Variants in AREL1 observed in about 807,000 individuals in gnomAD.
AREL1 encodes the protein apoptosis-resistant E3 ubiquitin protein ligase 1.
In AREL1, 62 loss-of-function variants were observed where a neutral mutation model predicts 99.0. The ratio of observed to expected loss-of-function variants is 0.63; its 90% CI spans 0.51 to 0.77. The LOEUF (loss-of-function observed/expected upper bound fraction) is 0.77. Among genes scored for constraint, AREL1 ranks in the 30% least tolerant of loss-of-function variants. The pLI is 0.00. For missense variants in AREL1, 879 were observed against 1,027.6 expected, an observed-to-expected ratio of 0.86 and a Z score of 1.98; for synonymous variants, 380 against 376.5, an observed-to-expected ratio of 1.01 and a Z score of -0.11.
intron 1 of AREL1, chr14:74,712,077 AGAAAG>A (rs1566710309): frequency 1.3e-4 from 10 of 77,932 alleles, no homozygotes; most frequent in Non-Finnish European, 3.4e-4. Context: ...AGAAAAAAAA[AGAAAG>A]AAAGAAAGAA....
chr14:74,671,726 A>G (rs1464467159), intron 11 of AREL1, among the ~76,000 whole-genome samples: 2 of 152,248 alleles, frequency 1.3e-5, no homozygotes, highest in African/African-American at 4.8e-5. Flanking sequence ...GGAAAGCTGA[A>G]GTTGTTTTTT....
intron 3 of AREL1, among the ~76,000 whole-genome samples, chr14:74,684,962 G>A (rs1459009895): frequency 6.6e-6 from 1 of 152,172 alleles, no homozygotes; most frequent in African/African-American, 2.4e-5. Flanking sequence ...AATTGTCTAT[G>A]GCTACTTTTG....
At chr14:74,685,807 G>T (rs1280390463) in intron 2 of AREL1, 147 bp from the exon 3 acceptor site, 12 of 656,620 alleles carry the variant, frequency 1.8e-5, no homozygotes, top group Admixed American at 3.0e-5. Flanking sequence ...TAGCTTGACA[G>T]GTGCCGTATA....
rs576556261 is a variant in AREL1, at chr14:74,700,216, A to G, written c.-333-7888T>C. 3.9e-5 allele frequency among the ~76,000 whole-genome samples: 6 copies of G among 152,352 alleles called. No individual in the cohort carries two copies. In the East Asian group the frequency reaches 1.2e-3, roughly 29 times the overall value. On this transcript the variant is annotated intron_variant, in intron 1 of 19. Coordinates refer to ENST00000356357, the MANE Select transcript of AREL1 (RefSeq NM_001039479.2). Reference sequence around the variant, plus strand: ...AGGCATTGTATAAAGTGCTACATCTATATTATCTCATTTAACTCTCACATC... The same window carrying G: ...AGGCATTGTATAAAGTGCTACATCTGTATTATCTCATTTAACTCTCACATC...
chr14:74,672,248 T>TA (rs1206999098), intron 11 of AREL1, among the ~76,000 whole-genome samples: 14 of 152,330 alleles, frequency 9.2e-5, no homozygotes, highest in African/African-American at 3.4e-4. Context: ...GGCCAGTAAG[T>TA]AAACTGCTCT....
chr14:74,711,212 CAA>C (rs563432900), intron 1 of AREL1, among the ~76,000 whole-genome samples: 76 of 131,628 alleles, frequency 5.8e-4, no homozygotes, highest in African/African-American at 2.1e-3. Context: ...GCCTGGGTAA[CAA>C]GAGCGAAACT....
intron 3 of AREL1, among the ~76,000 whole-genome samples, chr14:74,685,397 G>T (rs918063043): frequency 1.3e-5 from 2 of 152,108 alleles, no homozygotes; most frequent in African/African-American, 4.8e-5. Context: ...AGACTCCACA[G>T]TAAACAGTGT....
chr14:74,690,638 T>G (rs1469792720), intron 2 of AREL1, among the ~76,000 whole-genome samples: 1 of 152,216 alleles, frequency 6.6e-6, no homozygotes, highest in Non-Finnish European at 1.5e-5. Context: ...TTTGGAACTT[T>G]CCCAAGTCTA....
At position 74,664,054 on chromosome 14, in the gene AREL1, A is replaced by G. The variant is rs772203633; in HGVS notation, c.2214T>C (p.Thr738=). The G allele has an allele frequency of 6.2e-7, 1 of 1,613,900 alleles. No individual in the cohort carries two copies. The highest frequency in any genetic ancestry group is 2.2e-5 in the East Asian group (1 of 44,868). ...FREKVMRWFW[T]VVSSLTQEEL... ...CCTCCTGGGTCAGACTGGAAACCAC[A>G]GTCCAAAACCACCTCATGACCTGGC... The change falls in exon 19 of 20, where the codon ACT becomes ACC. Residue 738 remains threonine, a synonymous_variant. Coordinates refer to ENST00000356357, the MANE Select transcript of AREL1 (RefSeq NM_001039479.2).
At chr14:74,673,851 A>C (rs149215911) in intron 9 of AREL1, among the ~76,000 whole-genome samples, 183 bp downstream of exon 9, 241 of 152,370 alleles carry the variant, frequency 1.6e-3, no homozygotes, top group African/African-American at 5.6e-3. Flanking sequence ...GCGTCCTTCC[A>C]GAATTTATAT....
At chr14:74,685,527 T>G in intron 3 of AREL1, 73 bp downstream of exon 3, 3 of 1,543,964 alleles carry the variant, frequency 1.9e-6, no homozygotes, top group Non-Finnish European at 2.7e-6. Context: ...GGGAAAAGAA[T>G]AGGCAGAAAG....
rs2089546117 is a variant in AREL1, at chr14:74,678,479, AGAGT to A, written c.482-1731_482-1728del. 3 of 171,584 alleles carry A rather than the reference AGAGT, an allele frequency of 1.7e-5. No individual in the cohort carries two copies. In the South Asian group the frequency reaches 3.2e-4, roughly 19 times the overall value. 10.6% of individuals were successfully genotyped at this position (171,584 alleles called of 1,614,324 possible). A position where few individuals can be genotyped will look rare whatever the true frequency, so the allele number is the denominator to read the frequency against. ...CACCACTGCACTCAGCCTGGGTGACAGAGTGAGACCCTGCCTCAAAAAAAAAAAA... is the reference window on the plus strand; with the variant it reads ...CACCACTGCACTCAGCCTGGGTGACAGAGACCCTGCCTCAAAAAAAAAAAA... On this transcript the variant is annotated intron_variant, in intron 5 of 19. Coordinates refer to ENST00000356357, the MANE Select transcript of AREL1 (RefSeq NM_001039479.2).
chr14:74,671,304 G>A (rs2089334924), intron 12 of AREL1, 104 bp downstream of exon 12: 2 of 385,116 alleles, frequency 5.2e-6, no homozygotes, highest in Admixed American at 5.1e-5. Flanking sequence ...TAGGGAGTGA[G>A]TAGGAGGTAA....
At chr14:74,707,813 C>T (rs545692567) in intron 1 of AREL1, among the ~76,000 whole-genome samples, 9 of 100,916 alleles carry the variant, frequency 8.9e-5, no homozygotes, top group South Asian at 6.4e-4. Context: ...AAAAATTAGA[C>T]GGGTATGGTG....
chr14:74,698,684 G>A, intron 1 of AREL1: 1 of 154,704 alleles, frequency 6.5e-6, no homozygotes, highest in Non-Finnish European at 1.4e-5. Context: ...AGAAGTAACT[G>A]TATGTGCAAG....
rs773816363 is a variant in AREL1, at chr14:74,684,561, T to C, written c.136A>G (p.Ile46Val). ...EDRERRGDRT[I>V]YDYVRGNYLD... ...TAATTTCCCCGCACGTAGTCATAAA[T>C]AGTCCGGTCCCCTCGGCGCTCGCGG... Residue 46 changes from isoleucine to valine, a missense_variant, in exon 4 of 20, where the codon ATT becomes GTT. Transcript: ENST00000356357. The C allele has an allele frequency of 1.9e-6, 3 of 1,614,124 alleles. No individual in the cohort carries two copies. The highest frequency in any genetic ancestry group is 1.1e-5 in the South Asian group (1 of 91,080).
chr14:74,667,550 A>G lies in AREL1; in HGVS notation c.1959T>C (p.Asn653=), dbSNP rs1475473604. 6.2e-7 allele frequency: 1 copy of G among 1,613,830 alleles called. No homozygotes were observed. The highest frequency in any genetic ancestry group is 1.7e-5 in the Admixed American group (1 of 60,002). ...MTGGAQTPVT[N]ANKIFYLNLL... is the part of the protein sequence containing the mutation. ...AATTTAAATAGAAGATTTTATTCGC[A>G]TTGGTGACTGGAGTTTGAGCTCCAC... Residue 653 remains asparagine, a synonymous_variant, in exon 16 of 20, where the codon AAT becomes AAC. Transcript: ENST00000356357.
intron 5 of AREL1, among the ~76,000 whole-genome samples, chr14:74,677,752 C>T (rs773691883): frequency 5.3e-5 from 8 of 150,930 alleles, no homozygotes; most frequent in Non-Finnish European, 8.9e-5. Flanking sequence ...TTGCCCGCCT[C>T]GGCCTCCCAA....
In AREL1 at chr14:74,664,053, C is replaced by T; in HGVS notation, c.2215G>A (p.Val739Met). Residue 739 changes from valine (V) to methionine (M), a missense_variant, in exon 19 of 20, where the codon GTG becomes ATG. By Grantham distance (21) the Val-to-Met change is conservative (BLOSUM62 1). Transcript: ENST00000356357. Reference sequence around the variant, plus strand: ...TCCTCCTGGGTCAGACTGGAAACCACAGTCCAAAACCACCTCATGACCTGG... The same window carrying T: ...TCCTCCTGGGTCAGACTGGAAACCATAGTCCAAAACCACCTCATGACCTGG... ...REKVMRWFWTVVSSLTQEELA... is the reference protein window; with the variant it reads ...REKVMRWFWTMVSSLTQEELA... The T allele has an allele frequency of 6.2e-7, 1 of 1,613,866 alleles. No homozygotes were observed. Among genetic ancestry groups the T allele is most frequent in the South Asian group, 1.1e-5 (1 of 91,064 alleles).
Sources: gnomAD v4.1 joint callset for allele counts (sites outside exome capture counted in the v4.1 genomes callset) on GRCh38, gnomAD v4.1.1 for gene constraint, MANE v1.5 for transcripts, NCBI Gene and HGNC (gene_info 2026-07-23, HGNC 2026-07-21) for gene names.